COL11A1: variants seen among roughly 807,000 people sequenced by gnomAD.
The protein encoded by COL11A1 is collagen type XI alpha 1 chain.
A neutral mutation model predicts 265.2 loss-of-function variants in COL11A1; 74 were observed. The ratio of observed to expected loss-of-function variants is 0.28; its 90% CI spans 0.23 to 0.34. COL11A1 has a LOEUF of 0.34. Ranked by LOEUF, COL11A1 falls within the 10% of genes least tolerant of loss-of-function variation. COL11A1 has a pLI of 1.00. For synonymous variants in COL11A1, 816 were observed against 727.6 expected (o/e 1.12, Z -1.96); for missense variants, 2,165 against 2,263.6 (o/e 0.96, Z 0.88).
chr1:103,081,846 T>G (rs552653763), intron 2 of COL11A1, among the ~76,000 whole-genome samples: 8 of 151,926 alleles, frequency 5.3e-5, no homozygotes, highest in Non-Finnish European at 1.2e-4. Context: ...ATAAAATATA[T>G]AGAGCAGAAC....
At chr1:103,053,979 T>C (rs189321323) in intron 4 of COL11A1, among the ~76,000 whole-genome samples, 7 of 152,314 alleles carry the variant, frequency 4.6e-5, no homozygotes, top group Admixed American at 3.9e-4. Flanking sequence ...AGTGAGGCTT[T>C]ATATTATTTT....
chr1:103,090,366 T>G (rs1673220730), intron 1 of COL11A1, among the ~76,000 whole-genome samples: 1 of 152,130 alleles, frequency 6.6e-6, no homozygotes, highest in African/African-American at 2.4e-5. Context: ...TATGAGCATG[T>G]GGTAGTGAGA....
At chr1:103,074,920 A>G (rs1398383064) in intron 3 of COL11A1, 140 bp from the exon 4 acceptor site, 1 of 1,004,634 alleles carries the variant, frequency 1.0e-6, no homozygotes, top group Non-Finnish European at 1.5e-6. Flanking sequence ...TTTATTAAGC[A>G]GCCAGTTAAC....
chr1:102,894,719 G>C (rs1652196589), intron 57 of COL11A1, among the ~76,000 whole-genome samples: 2 of 152,044 alleles, frequency 1.3e-5, no homozygotes, highest in African/African-American at 4.8e-5. Flanking sequence ...CTCCAATAGA[G>C]TTATTTATAT....
chr1:102,899,510 T>C (rs1652904584), intron 54 of COL11A1, among the ~76,000 whole-genome samples: 1 of 152,114 alleles, frequency 6.6e-6, no homozygotes. Context: ...TTTTCATTTT[T>C]GAGAACTATG....
At chr1:102,906,088 T>A (rs1365160821) in intron 54 of COL11A1, among the ~76,000 whole-genome samples, 1 of 152,196 alleles carries the variant, frequency 6.6e-6, no homozygotes, top group Non-Finnish European at 1.5e-5. Context: ...CAATGCTTAA[T>A]AATAACATCC....
intron 43 of COL11A1, among the ~76,000 whole-genome samples, chr1:102,939,886 T>G (rs1420034905): frequency 6.6e-6 from 1 of 152,138 alleles, no homozygotes; most frequent in Non-Finnish European, 1.5e-5. Context: ...ACATTTGGAA[T>G]TAGGAGCTTA....
rs1668049338 is a variant in COL11A1, at chr1:103,032,249, G to GCTTT, written c.652-1009_652-1006dup. Among the ~76,000 whole-genome samples, 3 of 151,974 alleles carry GCTTT rather than the reference G, an allele frequency of 2.0e-5. No homozygotes were observed. In the South Asian group the frequency reaches 6.2e-4, roughly 31 times the overall value. ...ATTTAATAACTTAAAAGTCATGCTA[G>GCTTT]CTTTCTTTGCATCTTATCAACAGGG... On this transcript the variant is annotated intron_variant, in intron 4 of 66. Transcript: ENST00000370096.
intron 37 of COL11A1, among the ~76,000 whole-genome samples, chr1:102,967,491 C>G (rs1205374099): frequency 1.3e-5 from 2 of 152,006 alleles, no homozygotes; most frequent in Non-Finnish European, 2.9e-5. Context: ...CCGCCCGCCT[C>G]GGCCTCCCAA....
chr1:103,069,869 A>C (rs901092720), intron 4 of COL11A1, among the ~76,000 whole-genome samples: 5 of 151,972 alleles, frequency 3.3e-5, no homozygotes, highest in African/African-American at 4.8e-5. Flanking sequence ...CAATGCGTCT[A>C]GTTAGAATGC....
intron 1 of COL11A1, among the ~76,000 whole-genome samples, chr1:103,102,393 T>C (rs894325514): frequency 1.3e-4 from 20 of 152,052 alleles, no homozygotes; most frequent in African/African-American, 4.6e-4. Context: ...TGCAACTTTT[T>C]ATAACATCAG....
intron 40 of COL11A1, 54 bp from the exon 41 acceptor site, chr1:102,961,973 T>G (rs1457935958): frequency 2.0e-6 from 3 of 1,479,402 alleles, no homozygotes; most frequent in Non-Finnish European, 2.8e-6. Context: ...TGAATACCAA[T>G]AGGAGGAGAT....
intron 48 of COL11A1, among the ~76,000 whole-genome samples, chr1:102,921,193 T>C (rs1221301119): frequency 1.3e-5 from 2 of 152,152 alleles, no homozygotes. Flanking sequence ...ATAAGAGTTA[T>C]CATATGCAAG....
intron 14 of COL11A1, among the ~76,000 whole-genome samples, chr1:103,011,991 AG>A (rs1374955938): frequency 6.6e-6 from 1 of 152,156 alleles, no homozygotes; most frequent in African/African-American, 2.4e-5. Context: ...CGGTTTAAAA[AG>A]TATCTTGCTT....
At chr1:103,001,505 A>C in intron 24 of COL11A1, 1 of 434,822 alleles carries the variant, frequency 2.3e-6, no homozygotes, top group Non-Finnish European at 4.0e-6. Flanking sequence ...ATCATTTGCT[A>C]TTCATATATG....
Position 102,905,335 on chromosome 1 carries a change from A to G in COL11A1, c.4087-6341T>C, listed in dbSNP as rs543545450. ...ACATGTATACATATGTAACAAACCTACAGGTTGTGCACATGTACCCTAAAA... is the reference window on the plus strand; with the variant it reads ...ACATGTATACATATGTAACAAACCTGCAGGTTGTGCACATGTACCCTAAAA... On this transcript the variant is annotated intron_variant, in intron 54 of 66. Coordinates refer to ENST00000370096, the MANE Select transcript of COL11A1 (RefSeq NM_001854.4). Among the ~76,000 whole-genome samples, 148 of 150,940 alleles carry G rather than the reference A, an allele frequency of 9.8e-4. 1 individual carries two copies. The highest frequency in any genetic ancestry group is 3.4e-3 in the African/African-American group (139 of 41,032).
intron 4 of COL11A1, among the ~76,000 whole-genome samples, chr1:103,038,389 C>T (rs1351361584): frequency 1.3e-5 from 2 of 152,008 alleles, no homozygotes; most frequent in African/African-American, 2.4e-5. Flanking sequence ...CGCTTGAACC[C>T]GGGAGGTGGA....
intron 4 of COL11A1, among the ~76,000 whole-genome samples, chr1:103,063,569 A>G (rs1670839957): frequency 6.6e-6 from 1 of 152,152 alleles, no homozygotes; most frequent in African/African-American, 2.4e-5. Flanking sequence ...TTAAGTCATA[A>G]TGGTTCATAA....
chr1:102,937,344 C>A (rs1046850863), intron 44 of COL11A1, among the ~76,000 whole-genome samples: 1 of 151,480 alleles, frequency 6.6e-6, no homozygotes, highest in Non-Finnish European at 1.5e-5. Context: ...TGGCTTCTGT[C>A]GAGTGTATAA....
Sources: gnomAD v4.1 joint callset for allele counts (sites outside exome capture counted in the v4.1 genomes callset) on GRCh38, gnomAD v4.1.1 for gene constraint, MANE v1.5 for transcripts, NCBI Gene and HGNC (gene_info 2026-07-23, HGNC 2026-07-21) for gene names.